Variants in TEKTL1 observed in about 807,000 individuals in gnomAD.
The protein encoded by TEKTL1 is tektin like 1.
chr19:15,012,975 G>A, the TEKTL1 span, among the ~76,000 whole-genome samples: 1 of 152,144 alleles, frequency 6.6e-6, no homozygotes, highest in East Asian at 1.9e-4. Context: ...GCTTCAGGAA[G>A]TGAAAATCTC....
At chr19:15,011,131 G>T in the TEKTL1 span, 2 of 1,529,802 alleles carry the variant, frequency 1.3e-6, no homozygotes, top group Non-Finnish European at 1.7e-6. Flanking sequence ...AGATGAAGCC[G>T]CCCGCCTGGT....
chr19:15,012,424 G>T, the TEKTL1 span, among the ~76,000 whole-genome samples: 1 of 152,236 alleles, frequency 6.6e-6, no homozygotes, highest in South Asian at 2.1e-4. Flanking sequence ...AAATAGTCAG[G>T]CATGGTGGTG....
chr19:15,021,634 T>A, the TEKTL1 span: 1 of 1,613,860 alleles, frequency 6.2e-7, no homozygotes, highest in East Asian at 2.2e-5. Flanking sequence ...AAATATGACG[T>A]TAGGACTGAT....
the TEKTL1 span, chr19:15,021,693 C>T: frequency 3.7e-5 from 59 of 1,613,904 alleles, no homozygotes; most frequent in Non-Finnish European, 4.7e-5. Flanking sequence ...AGTTGTACAC[C>T]ACCCACGGTC....
At chr19:15,022,671 C>CCTACA in the TEKTL1 span, among the ~76,000 whole-genome samples, 4 of 151,900 alleles carry the variant, frequency 2.6e-5, no homozygotes, top group Non-Finnish European at 5.9e-5. Flanking sequence ...GAGGATCCTT[C>CCTACA]CTACACATCT....
the TEKTL1 span, chr19:15,021,442 C>G: frequency 6.2e-7 from 1 of 1,614,016 alleles, no homozygotes; most frequent in South Asian, 1.1e-5. Context: ...GGTGGACGTC[C>G]GGGAGCAACA....
the TEKTL1 span, chr19:15,011,066 G>T: frequency 1.9e-6 from 3 of 1,576,696 alleles, no homozygotes; most frequent in Non-Finnish European, 1.7e-6. Context: ...GATCAAAGGC[G>T]GCGGCACCTT....
chr19:15,011,199 T>G, the TEKTL1 span: 1 of 1,475,970 alleles, frequency 6.8e-7, no homozygotes, highest in Non-Finnish European at 8.9e-7. Context: ...ACCACCGAGG[T>G]GGTGCACGCG....
the TEKTL1 span, chr19:15,020,512 C>T: frequency 6.2e-7 from 1 of 1,613,786 alleles, no homozygotes; most frequent in Non-Finnish European, 8.5e-7. Flanking sequence ...GGAGCGGCTC[C>T]AAGCCGTGGA....
At chr19:15,021,995 C>A in the TEKTL1 span, 4 of 1,141,782 alleles carry the variant, frequency 3.5e-6, no homozygotes, top group Non-Finnish European at 5.1e-6. Context: ...ACATCTGGAC[C>A]AGGTATGATC....
At chr19:15,012,093 A>C in the TEKTL1 span, among the ~76,000 whole-genome samples, 1 of 141,152 alleles carries the variant, frequency 7.1e-6, no homozygotes, top group African/African-American at 2.6e-5. Context: ...CCGTCTCTAC[A>C]AAAAAAAAAA....
chr19:15,022,060 G>A, the TEKTL1 span: 2 of 699,408 alleles, frequency 2.9e-6, no homozygotes, highest in Non-Finnish European at 4.8e-6. Flanking sequence ...GTGGGGAGGC[G>A]GGGGCTTCAC....
At chr19:15,020,722 G>GC in the TEKTL1 span, 1 of 1,406,956 alleles carries the variant, frequency 7.1e-7, no homozygotes, top group Non-Finnish European at 9.8e-7. Context: ...TGTCAGTGCA[G>GC]CCCGTCGCCC....
chr19:15,020,145 A>G, the TEKTL1 span, among the ~76,000 whole-genome samples: 1 of 151,820 alleles, frequency 6.6e-6, no homozygotes, highest in East Asian at 1.9e-4. Flanking sequence ...CCTTCTTCAC[A>G]AAAAGTTTTA....
At chr19:15,017,068 A>T in the TEKTL1 span, among the ~76,000 whole-genome samples, 1 of 152,172 alleles carries the variant, frequency 6.6e-6, no homozygotes, top group African/African-American at 2.4e-5. Flanking sequence ...AAAAATGTTT[A>T]AAAATAACTG....
chr19:15,023,250 A>G, the TEKTL1 span: 8 of 788,134 alleles, frequency 1.0e-5, no homozygotes. Context: ...GAGAATTATA[A>G]TTAAAAATAA....
the TEKTL1 span, among the ~76,000 whole-genome samples, chr19:15,016,235 A>AG: frequency 1.7e-5 from 2 of 119,244 alleles, no homozygotes; most frequent in South Asian, 5.6e-4. Context: ...CCCAGGCTGG[A>AG]GTGCAGTGGC....
At chr19:15,022,004 T>TC in the TEKTL1 span, 1 of 1,069,296 alleles carries the variant, frequency 9.4e-7, no homozygotes, top group Non-Finnish European at 1.4e-6. Flanking sequence ...CCAGGTATGA[T>TC]CCCCCTCTCA....
At chr19:15,023,063 A>G in the TEKTL1 span, 73 of 1,611,424 alleles carry the variant, frequency 4.5e-5, no homozygotes, top group Non-Finnish European at 5.9e-5. Context: ...GCGCCTGGTT[A>G]AGGACTGGGA....
Sources: allele counts gnomAD v4.1 joint callset (sites outside exome capture counted in the v4.1 genomes callset), GRCh38; gene constraint gnomAD v4.1.1; transcripts MANE v1.5; gene names NCBI Gene and HGNC (gene_info 2026-07-23, HGNC 2026-07-21).